The following NAALADL2 variants were observed in gnomAD, a reference collection of about 807,000 sequenced individuals.
The protein encoded by NAALADL2 is N-acetylated alpha-linked acidic dipeptidase like 2, also known as inactive N-acetylated-alpha-linked acidic dipeptidase-like protein 2.
A neutral mutation model predicts 87.2 loss-of-function variants in NAALADL2; 76 were observed. The ratio of observed to expected loss-of-function variants is 0.87; its 90% CI spans 0.72 to 1.05. The LOEUF (loss-of-function observed/expected upper bound fraction) is 1.05, where lower values mean the gene tolerates loss of function less well. Among genes scored for constraint, NAALADL2 ranks in the 50% least tolerant of loss-of-function variants. The probability of loss-of-function intolerance (pLI) is 0.00; values close to 1 mark genes in which losing one functional copy is unlikely to be tolerated. For synonymous variants in NAALADL2, 354 were observed against 331.0 expected, an observed-to-expected ratio of 1.07 and a Z score of -0.75; for missense variants, 1,089 against 945.8, an observed-to-expected ratio of 1.15 and a Z score of -1.99.
chr3:174,861,990 G>A lies in NAALADL2; in HGVS notation c.43+2540G>A, dbSNP rs183641738. The stretch of plus-strand genomic sequence containing the variant: ...TAATTAGCTTTTCAAACATAAAAAG[G>A]AATCTCCTCTTTTAGTCCCAATGAC... On this transcript the variant is annotated intron_variant, in intron 1 of 13. Transcript: ENST00000454872. 3.8e-3 allele frequency among the ~76,000 whole-genome samples: 574 copies of A among 151,954 alleles called. 3 individuals are homozygous for A. Among genetic ancestry groups the A allele is most frequent in the African/African-American group, 0.013 (548 of 41,462 alleles).
intron 10 of NAALADL2, among the ~76,000 whole-genome samples, chr3:175,604,298 A>ATTTTTTT (rs33971019): frequency 1.2e-5 from 1 of 83,560 alleles, no homozygotes; most frequent in African/African-American, 4.4e-5. Context: ...TGACATTGAA[A>ATTTTTTT]TTTTTTTTTT....
At chr3:175,773,955 A>T (rs1255221020) in intron 13 of NAALADL2, among the ~76,000 whole-genome samples, 1 of 152,082 alleles carries the variant, frequency 6.6e-6, no homozygotes, top group Non-Finnish European at 1.5e-5. Context: ...CTTTTCAGAG[A>T]TTGTAAATTA....
chr3:175,174,836 G>GCA (rs748466711), intron 2 of NAALADL2, among the ~76,000 whole-genome samples: 5,741 of 80,584 alleles, frequency 0.071, 180 homozygotes, highest in East Asian at 0.22. Context: ...ACACACACAT[G>GCA]CACACAGACA....
chr3:174,947,344 A>G (rs950863875), intron 1 of NAALADL2, among the ~76,000 whole-genome samples: 2 of 152,158 alleles, frequency 1.3e-5, no homozygotes, highest in Admixed American at 6.5e-5. Context: ...AGGAAAATTT[A>G]TAAGCCTTCC....
chr3:174,441,786 C>T (rs1208651014), intron 1 of NAALADL2, among the ~76,000 whole-genome samples: 2 of 150,832 alleles, frequency 1.3e-5, no homozygotes, highest in Non-Finnish European at 2.9e-5. Context: ...GTTCTTTTCC[C>T]CCTCACTTTT....
At chr3:175,737,745 A>C (rs1428318584) in intron 12 of NAALADL2, among the ~76,000 whole-genome samples, 1 of 27,452 alleles carries the variant, frequency 3.6e-5, no homozygotes, top group Non-Finnish European at 7.3e-5. Context: ...TTTTTTTTTT[A>C]ACATTCTAAC....
intron 10 of NAALADL2, among the ~76,000 whole-genome samples, chr3:175,606,533 A>C (rs894254286): frequency 6.6e-6 from 1 of 152,182 alleles, no homozygotes; most frequent in Non-Finnish European, 1.5e-5. Flanking sequence ...TAAAATATAC[A>C]TAATATTTGA....
At chr3:174,569,624 G>T (rs9809857) in intron 2 of NAALADL2, among the ~76,000 whole-genome samples, 1 of 151,810 alleles carries the variant, frequency 6.6e-6, no homozygotes, top group South Asian at 2.1e-4. Flanking sequence ...GAGTGCCTGA[G>T]TTTTTTATTT....
rs1412190151 is a variant in NAALADL2 at position 175,806,321 on chromosome 3, G to A, written c.*3118G>A. 1 of 151,870 alleles carries A rather than the reference G, an allele frequency of 6.6e-6. No individual in the cohort carries two copies. The highest frequency in any genetic ancestry group is 6.6e-5 in the Admixed American group (1 of 15,198). The allele number at this position is 151,870 out of a possible 1,614,324, so 9.4% of individuals were successfully genotyped here. Reference sequence around the variant, plus strand: ...GAAGGACATTGAGCAAAATATATCTGTAAGAGGGCAAGTCAGGCCAGTGTT... The same window carrying A: ...GAAGGACATTGAGCAAAATATATCTATAAGAGGGCAAGTCAGGCCAGTGTT... On this transcript the variant is annotated 3_prime_UTR_variant, in exon 14 of 14. Transcript: ENST00000454872.
chr3:174,683,221 G>T (rs1727716223), intron 2 of NAALADL2, among the ~76,000 whole-genome samples: 1 of 151,810 alleles, frequency 6.6e-6, no homozygotes, highest in African/African-American at 2.4e-5. Context: ...GGAGACAAAA[G>T]AAAAAAGAAT....
chr3:174,459,659 A>C (rs1212882036), intron 1 of NAALADL2: 1 of 152,176 alleles, frequency 6.6e-6, no homozygotes, highest in Non-Finnish European at 1.5e-5. Flanking sequence ...GGATCCTTAA[A>C]TGTAGTATAC....
chr3:175,766,908 A>C (rs910980429), intron 13 of NAALADL2, among the ~76,000 whole-genome samples: 1 of 152,160 alleles, frequency 6.6e-6, no homozygotes, highest in Admixed American at 6.6e-5. Context: ...TAGATCTGTA[A>C]GCCACAAAAA....
intron 1 of NAALADL2, among the ~76,000 whole-genome samples, chr3:174,860,157 C>T (rs1314407304): frequency 6.6e-6 from 1 of 151,946 alleles, no homozygotes. Flanking sequence ...AGATATTGGG[C>T]CTAATCAATA....
intron 9 of NAALADL2, among the ~76,000 whole-genome samples, chr3:175,530,149 G>T (rs1733910390): frequency 6.6e-6 from 1 of 152,150 alleles, no homozygotes; most frequent in Non-Finnish European, 1.5e-5. Context: ...AGGGGTGGCT[G>T]GGGAAAGAGG....
chr3:174,505,779 TA>T (rs1398127306), intron 1 of NAALADL2, among the ~76,000 whole-genome samples: 2 of 152,240 alleles, frequency 1.3e-5, no homozygotes, highest in African/African-American at 4.8e-5. Flanking sequence ...GCTCATTTTT[TA>T]ATTTCTAGAA....
At chr3:175,043,812 A>G (rs1380294177) in intron 1 of NAALADL2, among the ~76,000 whole-genome samples, 1 of 152,174 alleles carries the variant, frequency 6.6e-6, no homozygotes, top group Non-Finnish European at 1.5e-5. Context: ...AGGAAGTGTT[A>G]CTGCCTCTAG....
intron 2 of NAALADL2, among the ~76,000 whole-genome samples, chr3:174,594,090 T>C (rs1398813736): frequency 1.5e-5 from 2 of 136,080 alleles, no homozygotes; most frequent in South Asian, 2.5e-4. Context: ...TATTGAGGAA[T>C]TTTTTTTCTT....
At chr3:175,728,425 G>T (rs1275601906) in intron 11 of NAALADL2, among the ~76,000 whole-genome samples, 1 of 152,112 alleles carries the variant, frequency 6.6e-6, no homozygotes, top group Non-Finnish European at 1.5e-5. Flanking sequence ...GGTATGTCAG[G>T]AATACATCTT....
At chr3:174,887,781 G>A (rs928068818) in intron 1 of NAALADL2, among the ~76,000 whole-genome samples, 17 of 151,076 alleles carry the variant, frequency 1.1e-4, no homozygotes, top group South Asian at 8.3e-4. Context: ...GGGCAACAGA[G>A]CGATACCCTG....
Sources: allele counts gnomAD v4.1 joint callset (sites outside exome capture counted in the v4.1 genomes callset), GRCh38; gene constraint gnomAD v4.1.1; transcripts MANE v1.5; gene names NCBI Gene and HGNC (gene_info 2026-07-23, HGNC 2026-07-21).